Variants in TAF1A observed in about 807,000 individuals in gnomAD.
The protein encoded by TAF1A is TATA box-binding protein-associated factor RNA polymerase I subunit A.
TAF1A carries 42 observed loss-of-function variants against 61.6 expected under a neutral mutation model. The observed-to-expected ratio is 0.68, with a 90% CI of 0.53 to 0.88. The LOEUF is 0.88. TAF1A is among the 40% of genes least tolerant of loss of function. TAF1A has a pLI of 0.00. For synonymous variants in TAF1A, 179 were observed against 177.7 expected, an observed-to-expected ratio of 1.01 and a Z score of -0.06; for missense variants, 424 against 518.7, an observed-to-expected ratio of 0.82 and a Z score of 1.77.
At chr1:222,570,829 C>T (rs1160373066) in intron 5 of TAF1A, among the ~76,000 whole-genome samples, 164 bp from the exon 6 acceptor site, 6 of 151,906 alleles carry the variant, frequency 3.9e-5, no homozygotes, top group African/African-American at 1.2e-4. Flanking sequence ...ACAAATTCTC[C>T]CAAAAAAAGG....
intron 3 of TAF1A, among the ~76,000 whole-genome samples, chr1:222,582,805 A>G (rs907926986): frequency 6.6e-6 from 1 of 152,272 alleles, no homozygotes; most frequent in African/African-American, 2.4e-5. Context: ...TGGATAAACC[A>G]TGAAAACATT....
At chr1:222,561,162 C>T (rs1266741053) in intron 10 of TAF1A, among the ~76,000 whole-genome samples, 2 of 152,056 alleles carry the variant, frequency 1.3e-5, no homozygotes, top group African/African-American at 4.8e-5. Flanking sequence ...AGATGAAAAC[C>T]GTTCACAATC....
chr1:222,557,321 T>G (rs1395308060), downstream of TAF1A, among the ~76,000 whole-genome samples: 1 of 152,208 alleles, frequency 6.6e-6, no homozygotes, highest in Non-Finnish European at 1.5e-5. Context: ...AAGTTGCTGT[T>G]GGCTTCTGGC....
chr1:222,576,165 G>A (rs935060977), intron 5 of TAF1A, among the ~76,000 whole-genome samples: 1 of 152,192 alleles, frequency 6.6e-6, no homozygotes, highest in Admixed American at 6.5e-5. Flanking sequence ...GATATATTAA[G>A]TTTAAGGTGT....
chr1:222,583,880 T>C (rs889184717), intron 3 of TAF1A, among the ~76,000 whole-genome samples: 6 of 150,266 alleles, frequency 4.0e-5, no homozygotes, highest in Admixed American at 3.3e-4. Context: ...TTTTACATGA[T>C]GATGGGAAAC....
intron 4 of TAF1A, among the ~76,000 whole-genome samples, chr1:222,578,909 G>A (rs1660678558): frequency 2.6e-5 from 4 of 152,114 alleles, no homozygotes; most frequent in Admixed American, 2.6e-4. Flanking sequence ...TGAGAAATGA[G>A]GTTCCCTTTC....
intron 7 of TAF1A, among the ~76,000 whole-genome samples, chr1:222,566,915 A>C (rs1220990108): frequency 1.3e-5 from 2 of 152,352 alleles, no homozygotes; most frequent in East Asian, 3.9e-4. Flanking sequence ...AGTTAAAAGA[A>C]TTACCATATA....
Position 222,558,599 on chromosome 1 carries a change from A to G in TAF1A, c.*61T>C. The G allele has an allele frequency of 4.9e-6, 4 of 824,002 alleles. No individual in the cohort carries two copies. Among genetic ancestry groups the G allele is most frequent in the Non-Finnish European group, 7.2e-6 (4 of 556,072 alleles). 51.0% of individuals were successfully genotyped at this position (824,002 alleles called of 1,614,324 possible). A position where few individuals can be genotyped will look rare whatever the true frequency, so the allele number is the denominator to read the frequency against. ...TTAATACACTACATAAATACATTCA[A>G]TAACTATCTACCAAGCTACTTACTG... On this transcript the variant is annotated 3_prime_UTR_variant, in exon 11 of 11. Transcript: ENST00000352967.
chr1:222,583,837 CA>C (rs200580139), intron 3 of TAF1A, among the ~76,000 whole-genome samples: 3,448 of 90,020 alleles, frequency 0.038, 105 homozygotes, highest in African/African-American at 0.13. Context: ...GACTCCGTCT[CA>C]AAAAAAAAAA....
At chr1:222,588,319 A>T in intron 2 of TAF1A, 124 bp downstream of exon 2, 1 of 1,204,876 alleles carries the variant, frequency 8.3e-7, no homozygotes, top group Non-Finnish European at 1.2e-6. Context: ...TTTGGCTTTT[A>T]GCCAAAAAAC....
chr1:222,564,242 G>C (rs1361071367), intron 7 of TAF1A, 117 bp from the exon 8 acceptor site: 2 of 298,058 alleles, frequency 6.7e-6, no homozygotes, highest in Non-Finnish European at 1.2e-5. Flanking sequence ...AATTTATTAA[G>C]TATTTTAAAA....
chr1:222,563,252 C>G lies in TAF1A; in HGVS notation c.1006G>C (p.Val336Leu). The change falls in exon 9 of 11, where the codon GTC (valine) becomes CTC (leucine). Residue 336 changes from valine to leucine, a missense_variant. Transcript: ENST00000352967. ...TTAGTGCATCCGGCAAAATCTAAGA[C>G]TCCAAATAATACCTCCAACCCCAGT... Reference protein sequence around the residue: ...RKLGLEVLFGVLDFAGCTKNI... With the variant: ...RKLGLEVLFGLLDFAGCTKNI... 6.2e-7 allele frequency: 1 copy of G among 1,612,948 alleles called. No individual in the cohort carries two copies. The highest frequency in any genetic ancestry group is 1.7e-4 in the Middle Eastern group (1 of 6,054).
Position 222,563,974 on chromosome 1 carries a change from G to T in TAF1A, c.961+85C>A, listed in dbSNP as rs181622736. 1.9e-3 allele frequency: 1,486 copies of T among 795,066 alleles called. 2 individuals are homozygous for T. Among genetic ancestry groups the T allele is most frequent in the Admixed American group, 2.1e-3 (99 of 46,822 alleles). The allele number at this position is 795,066 out of a possible 1,614,324, so 49.3% of individuals were successfully genotyped here. On this transcript the variant is annotated intron_variant, in intron 8 of 10. Transcript: ENST00000352967. The stretch of plus-strand genomic sequence containing the variant: ...GATTTATAAAATCAGGAAAGGGGTG[G>T]ATTTAGCCGATGGGCTAAACTAGTT...
chr1:222,555,865 G>T (rs1659719096), downstream of TAF1A, among the ~76,000 whole-genome samples: 1 of 152,066 alleles, frequency 6.6e-6, no homozygotes, highest in South Asian at 2.1e-4. Context: ...GAGAAAACAA[G>T]ACTTTAAATT....
At chr1:222,563,113 C>G (rs1659979123) in intron 9 of TAF1A, 60 bp downstream of exon 9, 1 of 1,439,176 alleles carries the variant, frequency 6.9e-7, no homozygotes, top group African/African-American at 1.5e-5. Flanking sequence ...TTGATATTAG[C>G]TAAAATATTG....
intron 7 of TAF1A, chr1:222,569,152 A>T (rs1660239424): frequency 1.4e-6 from 1 of 722,866 alleles, no homozygotes; most frequent in Admixed American, 4.8e-5. Context: ...TATCATGATT[A>T]CCATGGTGGT....
chr1:222,561,009 T>C (rs1405882191), intron 10 of TAF1A, among the ~76,000 whole-genome samples: 2 of 152,200 alleles, frequency 1.3e-5, no homozygotes, highest in Non-Finnish European at 2.9e-5. Flanking sequence ...TATGAAGCTA[T>C]TAAAGAACAG....
chr1:222,583,733 G>A (rs1323204756), intron 3 of TAF1A, among the ~76,000 whole-genome samples: 1 of 151,792 alleles, frequency 6.6e-6, no homozygotes, highest in Admixed American at 6.6e-5. Flanking sequence ...AGCTACTCAG[G>A]AGGCTGAGGC....
At chr1:222,579,689 T>C in intron 4 of TAF1A, 70 bp downstream of exon 4, 1 of 1,555,450 alleles carries the variant, frequency 6.4e-7, no homozygotes, top group South Asian at 1.2e-5. Flanking sequence ...AACTACCTTA[T>C]CACTGACACA....
Sources: allele counts gnomAD v4.1 joint callset (sites outside exome capture counted in the v4.1 genomes callset), GRCh38; gene constraint gnomAD v4.1.1; transcripts MANE v1.5; gene names NCBI Gene and HGNC (gene_info 2026-07-23, HGNC 2026-07-21).